The following CAB39 variants were observed in gnomAD, a reference collection of about 807,000 sequenced individuals.
CAB39 encodes the protein calcium-binding protein 39.
Under a neutral mutation model 40.0 loss-of-function variants are expected in CAB39, and 8 were observed. The ratio of observed to expected loss-of-function variants is 0.20; its 90% confidence interval spans 0.12 to 0.36. CAB39 has a LOEUF of 0.36. Among genes scored for constraint, CAB39 ranks in the 10% least tolerant of loss-of-function variants. CAB39 has a pLI of 1.00. For missense variants in CAB39, 270 were observed against 401.1 expected, an observed-to-expected ratio of 0.67 and a Z score of 2.79; for synonymous variants, 156 against 141.6, an observed-to-expected ratio of 1.10 and a Z score of -0.72.
At chr2:230,818,483 C>G in intron 8 of CAB39, 33 bp from the exon 9 acceptor site, 2 of 1,595,354 alleles carry the variant, frequency 1.3e-6, no homozygotes, top group Non-Finnish European at 1.7e-6. Flanking sequence ...TTTGTCCTTT[C>G]TCTGTGCCTC....
intron 1 of CAB39, among the ~76,000 whole-genome samples, chr2:230,740,965 AT>A (rs1233239961): frequency 6.6e-6 from 1 of 152,236 alleles, no homozygotes; most frequent in Non-Finnish European, 1.5e-5. Flanking sequence ...TTAAGATCAC[AT>A]TTATGAAATA....
chr2:230,810,426 T>A (rs543400555), intron 6 of CAB39, 104 bp downstream of exon 6: 13 of 485,830 alleles, frequency 2.7e-5, no homozygotes, highest in Non-Finnish European at 4.8e-5. Flanking sequence ...ATTTTGCATA[T>A]GTAATGTTTA....
intron 5 of CAB39, chr2:230,799,200 C>T (rs1478993341): frequency 2.7e-5 from 6 of 219,518 alleles, no homozygotes; most frequent in African/African-American, 1.7e-4. Context: ...CAGGTTTTCT[C>T]CTGTGTTTGA....
At chr2:230,797,184 G>A (rs1048537767) in intron 4 of CAB39, among the ~76,000 whole-genome samples, 7 of 152,144 alleles carry the variant, frequency 4.6e-5, no homozygotes, top group Non-Finnish European at 1.0e-4. Flanking sequence ...AAAAGGAAAT[G>A]AAACTAAGAT....
chr2:230,798,761 G>C lies in CAB39; in HGVS notation c.431G>C (p.Gly144Ala). The change falls in exon 5 of 9, where the codon GGA (glycine) becomes GCA (alanine). Residue 144 changes from glycine to alanine, a missense_variant. Coordinates refer to ENST00000258418, the MANE Select transcript of CAB39 (RefSeq NM_016289.4). ...TCTCCAGAAATAGCTCTAAATTGTGGAATAATGTTAAGAGAATGCATCAGA... is the reference window on the plus strand; with the variant it reads ...TCTCCAGAAATAGCTCTAAATTGTGCAATAATGTTAAGAGAATGCATCAGA... ...YESPEIALNC[G>A]IMLRECIRHE... 1 of 1,598,880 alleles carries C rather than the reference G, an allele frequency of 6.3e-7. No individual in the cohort carries two copies. Among genetic ancestry groups the C allele is most frequent in the Non-Finnish European group, 8.5e-7 (1 of 1,171,416 alleles).
chr2:230,801,736 A>G (rs1347017689), intron 5 of CAB39, among the ~76,000 whole-genome samples: 2 of 152,008 alleles, frequency 1.3e-5, no homozygotes, highest in African/African-American at 2.4e-5. Context: ...AGTTGTGGTG[A>G]CATGCGCCTA....
chr2:230,813,202 T>G (rs1320030169), intron 6 of CAB39, among the ~76,000 whole-genome samples: 1 of 152,218 alleles, frequency 6.6e-6, no homozygotes, highest in Non-Finnish European at 1.5e-5. Flanking sequence ...ACTGGCCTTG[T>G]CTACTAGGTT....
intron 1 of CAB39, among the ~76,000 whole-genome samples, chr2:230,729,813 G>C (rs1165388176): frequency 6.6e-6 from 1 of 151,794 alleles, no homozygotes; most frequent in Non-Finnish European, 1.5e-5. Context: ...GGTAGCACTT[G>C]GCTATGAAAA....
At chr2:230,759,394 C>G (rs1363213191) in intron 1 of CAB39, among the ~76,000 whole-genome samples, 2 of 152,132 alleles carry the variant, frequency 1.3e-5, no homozygotes. Context: ...TGGCTAAACA[C>G]CCTACCTAAC....
chr2:230,772,982 T>TAAAAAA (rs10713369), intron 2 of CAB39, among the ~76,000 whole-genome samples: 1 of 115,054 alleles, frequency 8.7e-6, no homozygotes. Context: ...TACTCAGCAA[T>TAAAAAA]AAAAAAAAAA....
Position 230,743,870 on chromosome 2 carries a change from TA to T in CAB39, c.-43-16088del, listed in dbSNP as rs1694926419. Among the ~76,000 whole-genome samples, 6 of 151,540 alleles carry T rather than the reference TA, an allele frequency of 4.0e-5. 1 individual carries two copies. The East Asian group carries it at 1.2e-3, about 29-fold the overall frequency. On this transcript the variant is annotated intron_variant, in intron 1 of 8. Transcript: ENST00000258418. ...GTGTATGTGTGTGTATATATATGGTTATTAGAACTTAGAAGAATAAAGTCAC... is the reference window on the plus strand; with the variant it reads ...GTGTATGTGTGTGTATATATATGGTTTTAGAACTTAGAAGAATAAAGTCAC...
At chr2:230,782,895 C>G (rs1462788503) in intron 2 of CAB39, among the ~76,000 whole-genome samples, 1 of 148,666 alleles carries the variant, frequency 6.7e-6, no homozygotes, top group Non-Finnish European at 1.5e-5. Context: ...TCACTGCAAG[C>G]TCCGCCTCCT....
At chr2:230,761,512 G>C (rs996802183) in intron 2 of CAB39, among the ~76,000 whole-genome samples, 16 of 152,132 alleles carry the variant, frequency 1.1e-4, no homozygotes, top group African/African-American at 3.9e-4. Flanking sequence ...TAACCTCTTA[G>C]AATGTCATAA....
At chr2:230,781,416 G>A (rs17713078) in intron 2 of CAB39, among the ~76,000 whole-genome samples, 3,757 of 152,316 alleles carry the variant, frequency 0.025, 74 homozygotes, top group Non-Finnish European at 0.039. Flanking sequence ...TTGGTGAACC[G>A]AATGTGCACA....
Position 230,793,228 on chromosome 2 carries a change from G to A in CAB39, c.295G>A (p.Ala99Thr), listed in dbSNP as rs773319122. 1 of 1,608,786 alleles carries A rather than the reference G, an allele frequency of 6.2e-7. No individual in the cohort carries two copies. The highest frequency in any genetic ancestry group is 8.5e-7 in the Non-Finnish European group (1 of 1,176,042). Residue 99 changes from alanine to threonine, a missense_variant, in exon 4 of 9, where the codon GCT becomes ACT. Ala to Thr is a moderately conservative substitution (Grantham distance 58). Transcript: ENST00000258418. ...TTCCTAATAGGGCAAAAAAGACGTGGCTCAAATTTTCAACAATATTCTCAG... is the reference window on the plus strand; with the variant it reads ...TTCCTAATAGGGCAAAAAAGACGTGACTCAAATTTTCAACAATATTCTCAG... ...LIDFEGKKDV[A>T]QIFNNILRRQ...
At chr2:230,738,278 A>T (rs1694821094) in intron 1 of CAB39, among the ~76,000 whole-genome samples, 1 of 152,242 alleles carries the variant, frequency 6.6e-6, no homozygotes, top group Non-Finnish European at 1.5e-5. Context: ...ACCACTTATC[A>T]TTCATGCCAT....
intron 1 of CAB39, among the ~76,000 whole-genome samples, chr2:230,723,480 C>T (rs374296442): frequency 6.6e-6 from 1 of 152,192 alleles, no homozygotes. Context: ...CTTGCTGCCC[C>T]TTCTGCAGTA....
chr2:230,732,363 T>G (rs1694708921), intron 1 of CAB39, among the ~76,000 whole-genome samples: 1 of 152,212 alleles, frequency 6.6e-6, no homozygotes, highest in African/African-American at 2.4e-5. Context: ...ATTACTGGCG[T>G]GAGCCACCGC....
In CAB39 at chr2:230,756,523, G is replaced by A. The variant is rs186763537; in HGVS notation, c.-43-3436G>A. Among the ~76,000 whole-genome samples the A allele has an allele frequency of 6.5e-4, 99 of 152,172 alleles. 2 individuals carry two copies. The highest frequency in any genetic ancestry group is 6.5e-3 in the Admixed American group (99 of 15,284). ...AAATTCTGTAATGCAGAAGTTTTGG[G>A]GAGTGTTATTTCCTTGTTTTTGCCT... On this transcript the variant is annotated intron_variant, in intron 1 of 8. Transcript: ENST00000258418.
Sources: allele counts gnomAD v4.1 joint callset (sites outside exome capture counted in the v4.1 genomes callset), GRCh38; gene constraint gnomAD v4.1.1; transcripts MANE v1.5; gene names NCBI Gene and HGNC (gene_info 2026-07-23, HGNC 2026-07-21).